Variants in ANKS1B observed in about 807,000 individuals in gnomAD.
ANKS1B encodes the protein ankyrin repeat and sterile alpha motif domain-containing protein 1B.
ANKS1B carries 36 observed loss-of-function variants against 148.3 expected under a neutral mutation model. The ratio of observed to expected loss-of-function variants is 0.24; its 90% CI spans 0.19 to 0.32. The LOEUF is 0.32. ANKS1B is among the 10% of genes least tolerant of loss of function. The pLI, the probability that ANKS1B is intolerant of heterozygous loss-of-function variation, is 1.00. For missense variants in ANKS1B, 1,157 were observed against 1,542.6 expected (o/e 0.75, Z 4.19); for synonymous variants, 542 against 560.8 (o/e 0.97, Z 0.47).
At chr12:99,809,182 A>G (rs2068018900) in intron 3 of ANKS1B, among the ~76,000 whole-genome samples, 1 of 152,052 alleles carries the variant, frequency 6.6e-6, no homozygotes, top group Non-Finnish European at 1.5e-5. Context: ...TTTTTTACCA[A>G]ATGGGTATTC....
At chr12:99,317,278 T>C (rs1257804223) in intron 12 of ANKS1B, among the ~76,000 whole-genome samples, 1 of 152,218 alleles carries the variant, frequency 6.6e-6, no homozygotes, top group African/African-American at 2.4e-5. Flanking sequence ...ATTTTCACGA[T>C]ATTGATTCTT....
chr12:99,165,393 A>G (rs1305047744), intron 14 of ANKS1B, among the ~76,000 whole-genome samples: 1 of 151,896 alleles, frequency 6.6e-6, no homozygotes, highest in Non-Finnish European at 1.5e-5. Flanking sequence ...CTGACCAGGA[A>G]GTAAAGGAGA....
At chr12:99,393,096 T>TGATA (rs143927175) in intron 12 of ANKS1B, among the ~76,000 whole-genome samples, 17,386 of 150,594 alleles carry the variant, frequency 0.12, 1,030 homozygotes, top group African/African-American at 0.15. Flanking sequence ...GATAGACAGA[T>TGATA]GATAGATAGA....
intron 4 of ANKS1B, among the ~76,000 whole-genome samples, chr12:99,783,182 A>C (rs369434333): frequency 4.7e-5 from 7 of 149,950 alleles, no homozygotes; most frequent in Non-Finnish European, 8.9e-5. Context: ...CAGAGTGAGA[A>C]TCCATCGCAA....
At chr12:98,805,936 A>G (rs556493518) in intron 20 of ANKS1B, among the ~76,000 whole-genome samples, 17 of 152,302 alleles carry the variant, frequency 1.1e-4, no homozygotes, top group Admixed American at 7.2e-4. Flanking sequence ...CGATGGCACA[A>G]TCTCGGTTCA....
intron 9 of ANKS1B, among the ~76,000 whole-genome samples, chr12:99,527,269 T>G (rs1322998970): frequency 1.3e-5 from 2 of 152,170 alleles, no homozygotes; most frequent in South Asian, 2.1e-4. Context: ...TTTTAACATA[T>G]TTACTCCTTG....
chr12:99,517,529 C>T (rs937143478), intron 9 of ANKS1B, among the ~76,000 whole-genome samples: 1 of 150,102 alleles, frequency 6.7e-6, no homozygotes, highest in African/African-American at 2.5e-5. Context: ...ACTAGCCTGA[C>T]CAATGTGGTG....
At chr12:99,339,152 C>G (rs1002841154) in intron 12 of ANKS1B, among the ~76,000 whole-genome samples, 1 of 152,118 alleles carries the variant, frequency 6.6e-6, no homozygotes, top group Admixed American at 6.6e-5. Flanking sequence ...ATTTAGGACC[C>G]AAGGGCACTT....
chr12:98,788,187 C>T (rs974163289), intron 22 of ANKS1B, among the ~76,000 whole-genome samples: 1 of 150,874 alleles, frequency 6.6e-6, no homozygotes, highest in African/African-American at 2.4e-5. Flanking sequence ...GGTGGATCAC[C>T]TGAGGTCAGG....
At chr12:99,863,781 G>A (rs1375448972) in intron 1 of ANKS1B, among the ~76,000 whole-genome samples, 3 of 151,556 alleles carry the variant, frequency 2.0e-5, no homozygotes, top group Non-Finnish European at 4.4e-5. Context: ...GTCAAAAGTC[G>A]ATCCCCTTGG....
chr12:99,509,014 T>C (rs2096738212), intron 9 of ANKS1B, among the ~76,000 whole-genome samples: 1 of 151,964 alleles, frequency 6.6e-6, no homozygotes, highest in African/African-American at 2.4e-5. Context: ...TATTATTATA[T>C]CTGTTATGGC....
At chr12:98,894,055 T>C (rs896673430) in intron 17 of ANKS1B, among the ~76,000 whole-genome samples, 1 of 152,240 alleles carries the variant, frequency 6.6e-6, no homozygotes, top group East Asian at 1.9e-4. Context: ...TCTGCTGCTC[T>C]GCTCCTGCTC....
chr12:99,856,714 C>A (rs891572273), intron 1 of ANKS1B, among the ~76,000 whole-genome samples: 1 of 151,994 alleles, frequency 6.6e-6, no homozygotes, highest in Non-Finnish European at 1.5e-5. Context: ...ACGAGGGATG[C>A]GGGGACGGTT....
intron 12 of ANKS1B, among the ~76,000 whole-genome samples, chr12:99,276,266 C>T (rs1051129771): frequency 2.6e-5 from 4 of 152,084 alleles, no homozygotes; most frequent in Non-Finnish European, 4.4e-5. Flanking sequence ...AATTATGTCC[C>T]CATCTCCTCC....
At chr12:98,850,283 T>C (rs1327953155) in intron 17 of ANKS1B, among the ~76,000 whole-genome samples, 1 of 152,172 alleles carries the variant, frequency 6.6e-6, no homozygotes, top group Non-Finnish European at 1.5e-5. Flanking sequence ...TGGAGACTTT[T>C]TGCAAGATGG....
chr12:99,537,593 T>C (rs550516472), intron 9 of ANKS1B, among the ~76,000 whole-genome samples: 81 of 152,280 alleles, frequency 5.3e-4, no homozygotes, highest in African/African-American at 1.9e-3. Flanking sequence ...AATCTTTTGC[T>C]CATCTTTTGG....
At chr12:99,093,915 G>A (rs2054995159) in intron 15 of ANKS1B, among the ~76,000 whole-genome samples, 3 of 152,170 alleles carry the variant, frequency 2.0e-5, no homozygotes. Context: ...TAGTGGTGAA[G>A]GGAGTAGAAT....
intron 24 of ANKS1B, among the ~76,000 whole-genome samples, chr12:98,774,321 G>A (rs756502201): frequency 6.6e-6 from 1 of 152,140 alleles, no homozygotes; most frequent in African/African-American, 2.4e-5. Flanking sequence ...GCCCTTCAAC[G>A]TCTCCACCTC....
intron 16 of ANKS1B, among the ~76,000 whole-genome samples, chr12:99,082,620 G>C (rs2050191028): frequency 6.6e-6 from 1 of 152,124 alleles, no homozygotes; most frequent in Non-Finnish European, 1.5e-5. Flanking sequence ...CCAGGATAGA[G>C]GAGAACAATG....
Sources: allele counts gnomAD v4.1 joint callset (sites outside exome capture counted in the v4.1 genomes callset), GRCh38; gene constraint gnomAD v4.1.1; transcripts MANE v1.5; gene names NCBI Gene and HGNC (gene_info 2026-07-23, HGNC 2026-07-21).